The following ESR1 variants were observed in gnomAD, a reference collection of about 807,000 sequenced individuals.
ESR1 encodes estrogen receptor 1.
In ESR1, 12 loss-of-function variants were observed where a neutral mutation model predicts 52.7. The ratio of observed to expected loss-of-function variants is 0.23; its 90% CI spans 0.15 to 0.37. The LOEUF (loss-of-function observed/expected upper bound fraction) is 0.37, where lower values mean the gene tolerates loss of function less well. ESR1 is among the 10% of genes least tolerant of loss of function. ESR1 has a pLI of 1.00. For missense variants in ESR1, 584 were observed against 779.7 expected (o/e 0.75, Z 2.99); for synonymous variants, 305 against 316.8 (o/e 0.96, Z 0.39).
intron 2 of ESR1, among the ~76,000 whole-genome samples, chr6:151,798,035 G>A (rs1168586969): frequency 2.6e-5 from 4 of 152,138 alleles, no homozygotes; most frequent in African/African-American, 9.7e-5. Flanking sequence ...GGATTCAGTG[G>A]GTGGGACAGT....
At chr6:151,891,037 G>C (rs76194068) in intron 3 of ESR1, among the ~76,000 whole-genome samples, 4,420 of 151,968 alleles carry the variant, frequency 0.029, 211 homozygotes, top group African/African-American at 0.1. Context: ...TTTGCCTTTT[G>C]TATATTTGCT....
chr6:152,120,539 G>T (rs2051294377), intron 6 of ESR1, among the ~76,000 whole-genome samples: 1 of 152,202 alleles, frequency 6.6e-6, no homozygotes, highest in South Asian at 2.1e-4. Context: ...GTAGTAGAGA[G>T]AAGTCTTAAA....
chr6:152,063,654 A>G (rs2047727818), intron 6 of ESR1, among the ~76,000 whole-genome samples: 1 of 152,212 alleles, frequency 6.6e-6, no homozygotes, highest in Non-Finnish European at 1.5e-5. Context: ...GGATTTTTCT[A>G]AAAGTCCAAC....
At chr6:151,727,900 C>T (rs1781960724) in intron 2 of ESR1, among the ~76,000 whole-genome samples, 1 of 152,154 alleles carries the variant, frequency 6.6e-6, no homozygotes, top group South Asian at 2.1e-4. Flanking sequence ...TCTGAGATCT[C>T]CCCAGCCATT....
chr6:152,098,708 C>T lies in ESR1; in HGVS notation c.1554-24C>T, dbSNP rs1201753505. The T allele has an allele frequency of 2.5e-6, 4 of 1,603,048 alleles. No individual in the cohort carries two copies. The highest frequency in any genetic ancestry group is 2.7e-5 in the African/African-American group (2 of 74,656). ...GGCTCGGGTTGGCTCTAAAGTAGTC[C>T]TTTCTGTGTCTTCCCACCTACAGTA... is the stretch of plus-strand genomic sequence containing the variant. On this transcript the variant is annotated intron_variant, in intron 7 of 7. Coordinates refer to ENST00000206249, the MANE Select transcript of ESR1 (RefSeq NM_000125.4). The surrounding 1 kb of genome is among the most constrained non-coding windows in gnomAD (Gnocchi z 5.1).
chr6:151,948,065 G>A (rs1333787793), intron 4 of ESR1, among the ~76,000 whole-genome samples: 1 of 152,040 alleles, frequency 6.6e-6, no homozygotes, highest in Admixed American at 6.5e-5. Flanking sequence ...GGTGAAACTA[G>A]TCAATAAATG....
exon 7 of ESR1, chr6:152,127,288 A>C (rs1179005598): frequency 2.6e-5 from 4 of 152,166 alleles, no homozygotes; most frequent in Non-Finnish European, 5.9e-5. Context: ...TTACACCTCT[A>C]ATCCCCAGTG....
intron 3 of ESR1, among the ~76,000 whole-genome samples, chr6:151,908,544 G>A (rs1797788574): frequency 6.6e-6 from 1 of 152,166 alleles, no homozygotes; most frequent in Non-Finnish European, 1.5e-5. Flanking sequence ...GAGGCAAACA[G>A]CAAGAATACA....
At chr6:151,796,250 G>A (rs1235526300) in intron 2 of ESR1, among the ~76,000 whole-genome samples, 2 of 151,898 alleles carry the variant, frequency 1.3e-5, no homozygotes, top group African/African-American at 4.8e-5. Context: ...AAGATATGTT[G>A]CTAATAAAAA....
At chr6:151,675,454 T>C (rs1471147358) in intron 1 of ESR1, among the ~76,000 whole-genome samples, 1 of 152,192 alleles carries the variant, frequency 6.6e-6, no homozygotes, top group Non-Finnish European at 1.5e-5. Context: ...AGGGGAACTA[T>C]AGCTGAGTCA....
At chr6:152,075,736 C>T (rs1331596290) in intron 6 of ESR1, among the ~76,000 whole-genome samples, 2 of 152,160 alleles carry the variant, frequency 1.3e-5, no homozygotes, top group Non-Finnish European at 2.9e-5. Context: ...CAAAGCTTTG[C>T]AGGCTATTAA....
At chr6:151,927,884 ATT>A (rs34405733) in intron 3 of ESR1, among the ~76,000 whole-genome samples, 4,271 of 149,732 alleles carry the variant, frequency 0.029, 97 homozygotes, top group East Asian at 0.097. Flanking sequence ...CACTTGGCTA[ATT>A]TTTTTTTTTG....
chr6:151,892,906 T>A (rs1180366628), intron 3 of ESR1, among the ~76,000 whole-genome samples: 1 of 152,188 alleles, frequency 6.6e-6, no homozygotes, highest in Non-Finnish European at 1.5e-5. Context: ...ATGTTCTCAT[T>A]GGCTGGGCAT....
At chr6:152,085,886 G>A (rs2049670670) in intron 6 of ESR1, among the ~76,000 whole-genome samples, 1 of 152,172 alleles carries the variant, frequency 6.6e-6, no homozygotes, top group Non-Finnish European at 1.5e-5. Context: ...TTGTGGATAG[G>A]AGATATTGGT....
At chr6:152,103,399 C>A (rs9341086), downstream of ESR1, 7,664 of 160,154 alleles carry the variant, frequency 0.048, 441 homozygotes, top group East Asian at 0.27. Context: ...CTCTCCTCAC[C>A]TCACTCCCTC....
chr6:152,044,343 A>G (rs946773396), intron 5 of ESR1, among the ~76,000 whole-genome samples: 8 of 152,186 alleles, frequency 5.3e-5, no homozygotes, highest in African/African-American at 1.9e-4. Flanking sequence ...AAAGAAATCC[A>G]TCCGTAAAAT....
intron 6 of ESR1, among the ~76,000 whole-genome samples, chr6:152,071,763 A>C (rs1484217750): frequency 6.6e-6 from 1 of 152,260 alleles, no homozygotes; most frequent in Non-Finnish European, 1.5e-5. Flanking sequence ...AACAAATCTG[A>C]TGCTGTTAAA....
intron 1 of ESR1, among the ~76,000 whole-genome samples, chr6:151,672,492 G>A (rs1050111360): frequency 3.3e-5 from 5 of 151,352 alleles, no homozygotes; most frequent in Admixed American, 6.6e-5. Flanking sequence ...ACATGCCACC[G>A]TGCCCAGCTA....
rs185198353 is a variant in ESR1, at chr6:151,832,138, A to T, written c.453-10459A>T. The stretch of plus-strand genomic sequence containing the variant: ...TGAGATAGATGTATTAAGTTTTCAG[A>T]TAAACAGTATAAAAGAGCTAGAGTA... On this transcript the variant is annotated intron_variant, in intron 1 of 7. Coordinates refer to ENST00000206249, the MANE Select transcript of ESR1 (RefSeq NM_000125.4). Among the ~76,000 whole-genome samples the T allele has an allele frequency of 1.9e-3, 284 of 152,338 alleles. 2 individuals are homozygous for T. The highest frequency in any genetic ancestry group is 3.1e-3 in the Non-Finnish European group (209 of 68,032).
Sources: gnomAD v4.1 joint callset for allele counts (sites outside exome capture counted in the v4.1 genomes callset) on GRCh38, gnomAD v4.1.1 for gene constraint, Gnocchi (gnomAD v3.1) non-coding constraint, MANE v1.5 for transcripts, NCBI Gene and HGNC (gene_info 2026-07-23, HGNC 2026-07-21) for gene names.